The following BNC2 variants were observed in gnomAD, a reference collection of about 807,000 sequenced individuals.
BNC2 encodes basonuclin zinc finger protein 2, also known as zinc finger protein basonuclin-2.
In BNC2, 20 loss-of-function variants were observed where a neutral mutation model predicts 76.3. The observed-to-expected ratio is 0.26, with a 90% CI of 0.18 to 0.38. The LOEUF (loss-of-function observed/expected upper bound fraction) is 0.38. Ranked by LOEUF, BNC2 falls within the 10% of genes least tolerant of loss-of-function variation. The pLI, the probability that BNC2 is intolerant of heterozygous loss-of-function variation, is 1.00. For missense variants in BNC2, 1,382 were observed against 1,399.8 expected, an observed-to-expected ratio of 0.99 and a Z score of 0.20; for synonymous variants, 582 against 514.8, an observed-to-expected ratio of 1.13 and a Z score of -1.77.
chr9:16,504,861 A>C (rs78115726), intron 5 of BNC2, among the ~76,000 whole-genome samples: 3,104 of 152,258 alleles, frequency 0.02, 133 homozygotes, highest in African/African-American at 0.07. Context: ...TCATCTCTTA[A>C]AAAACAAAAA....
chr9:16,542,625 G>A (rs1428630684), intron 5 of BNC2, among the ~76,000 whole-genome samples: 1 of 152,204 alleles, frequency 6.6e-6, no homozygotes, highest in Non-Finnish European at 1.5e-5. Flanking sequence ...AGAAAGAAGT[G>A]TATGCAAACA....
chr9:16,642,712 T>G (rs979886735), intron 3 of BNC2, among the ~76,000 whole-genome samples: 8 of 152,196 alleles, frequency 5.3e-5, no homozygotes, highest in African/African-American at 1.9e-4. Flanking sequence ...GGGCCACATT[T>G]TTTGTTTTCT....
chr9:16,614,828 T>C (rs1378001079), intron 3 of BNC2, among the ~76,000 whole-genome samples: 1 of 151,952 alleles, frequency 6.6e-6, no homozygotes, highest in African/African-American at 2.4e-5. Context: ...TGGTGGCACA[T>C]GCCTGTGGCC....
intron 3 of BNC2, among the ~76,000 whole-genome samples, chr9:16,715,358 T>C (rs1174521133): frequency 6.6e-6 from 1 of 152,228 alleles, no homozygotes; most frequent in Non-Finnish European, 1.5e-5. Flanking sequence ...TACTAAACTT[T>C]TTTTCTAATC....
chr9:16,761,243 C>G (rs1256676721), intron 1 of BNC2, among the ~76,000 whole-genome samples: 1 of 151,738 alleles, frequency 6.6e-6, no homozygotes, highest in African/African-American at 2.4e-5. Context: ...GTAAGACCGT[C>G]TCAAAACAAA....
At chr9:16,551,134 T>C (rs143128609) in intron 5 of BNC2, among the ~76,000 whole-genome samples, 2 of 152,316 alleles carry the variant, frequency 1.3e-5, no homozygotes, top group Admixed American at 6.5e-5. Context: ...AAACATTCTG[T>C]ATAAACTGAA....
intron 3 of BNC2, among the ~76,000 whole-genome samples, chr9:16,711,283 C>T (rs746879888): frequency 1.3e-5 from 2 of 151,988 alleles, no homozygotes; most frequent in East Asian, 1.9e-4. Context: ...GAAGGGGGGG[C>T]GGTTGTTACA....
chr9:16,512,324 G>T (rs538180337), intron 5 of BNC2, among the ~76,000 whole-genome samples: 1 of 152,270 alleles, frequency 6.6e-6, no homozygotes, highest in Non-Finnish European at 1.5e-5. Context: ...AAAAGTTATT[G>T]TTACTGAGGA....
chr9:16,558,727 G>T (rs1038317174), intron 4 of BNC2, among the ~76,000 whole-genome samples: 1 of 151,964 alleles, frequency 6.6e-6, no homozygotes, highest in Non-Finnish European at 1.5e-5. Context: ...TTAGGAGTTC[G>T]AGACCAACCT....
intron 6 of BNC2, 61 bp from the exon 7 acceptor site, chr9:16,419,710 G>A: frequency 2.0e-6 from 2 of 987,716 alleles, no homozygotes; most frequent in Non-Finnish European, 3.1e-6. Flanking sequence ...GTGAGAAAAA[G>A]GAAAGCATTT....
intron 5 of BNC2, among the ~76,000 whole-genome samples, chr9:16,530,967 A>G: frequency 6.6e-6 from 1 of 152,198 alleles, no homozygotes; most frequent in East Asian, 1.9e-4. Flanking sequence ...GGGAGGGGGC[A>G]GGAGGAGGTA....
In BNC2 at chr9:16,826,435, G is replaced by A. The variant is rs372871958; in HGVS notation, c.3+44211C>T. Among the ~76,000 whole-genome samples the A allele has an allele frequency of 1.4e-4, 22 of 152,144 alleles. No individual in the cohort carries two copies. In the East Asian group the frequency reaches 4.1e-3, roughly 28 times the overall value. On this transcript the variant is annotated intron_variant, in intron 1 of 6. Coordinates refer to ENST00000380672, the MANE Select transcript of BNC2 (RefSeq NM_017637.6). ...CAACTGAGAAAACCCTCTAAGTTGC[G>A]ATTATCACTGCCATACGGAGGTCCA... is the stretch of plus-strand genomic sequence containing the variant.
chr9:16,764,612 A>AATAGAAAAC (rs1341732734), intron 1 of BNC2, among the ~76,000 whole-genome samples: 1 of 152,312 alleles, frequency 6.6e-6, no homozygotes, highest in East Asian at 1.9e-4. Flanking sequence ...ATGTAACAAA[A>AATAGAAAAC]ATAGAAAACA....
chr9:16,604,373 A>G (rs950772539), intron 3 of BNC2, among the ~76,000 whole-genome samples: 1 of 152,256 alleles, frequency 6.6e-6, no homozygotes, highest in Non-Finnish European at 1.5e-5. Flanking sequence ...GCATGACATA[A>G]TTTAAATGCA....
At chr9:16,512,487 C>A (rs1053758757) in intron 5 of BNC2, among the ~76,000 whole-genome samples, 1 of 119,656 alleles carries the variant, frequency 8.4e-6, no homozygotes, top group Admixed American at 8.6e-5. Context: ...CACACGCGCA[C>A]ACACACACAC....
At chr9:16,818,132 C>T (rs767946007) in intron 1 of BNC2, among the ~76,000 whole-genome samples, 1 of 152,118 alleles carries the variant, frequency 6.6e-6, no homozygotes, top group South Asian at 2.1e-4. Context: ...AGGCCGGGCA[C>T]GGTGGCTCAC....
intron 5 of BNC2, among the ~76,000 whole-genome samples, chr9:16,544,087 C>G (rs1818401865): frequency 6.6e-6 from 1 of 152,158 alleles, no homozygotes; most frequent in Non-Finnish European, 1.5e-5. Flanking sequence ...TACTTGGTAT[C>G]AAATAATCCC....
intron 3 of BNC2, among the ~76,000 whole-genome samples, chr9:16,630,648 G>C (rs1197814559): frequency 6.6e-6 from 1 of 151,674 alleles, no homozygotes; most frequent in African/African-American, 2.4e-5. Flanking sequence ...TTTAAACAGT[G>C]TGAGAAATTT....
chr9:16,799,384 AG>A (rs1817730326), intron 1 of BNC2, among the ~76,000 whole-genome samples: 1 of 152,002 alleles, frequency 6.6e-6, no homozygotes, highest in Non-Finnish European at 1.5e-5. Context: ...GCAGGACCTC[AG>A]CTCACTGCAA....
Sources: gnomAD v4.1 joint callset for allele counts (sites outside exome capture counted in the v4.1 genomes callset) on GRCh38, gnomAD v4.1.1 for gene constraint, MANE v1.5 for transcripts, NCBI Gene and HGNC (gene_info 2026-07-23, HGNC 2026-07-21) for gene names.